Variants in MTAP observed in about 807,000 individuals in gnomAD.
MTAP encodes the protein S-methyl-5'-thioadenosine phosphorylase.
In MTAP, 33 loss-of-function variants were observed where a neutral mutation model predicts 33.6. That is an observed-to-expected ratio of 0.98 (90% CI 0.74 to 1.31). MTAP has a LOEUF of 1.31. Among genes scored for constraint, MTAP ranks in the 40% most tolerant of loss-of-function variants. The pLI is 0.00. For missense variants in MTAP, 367 were observed against 360.0 expected (o/e 1.02, Z -0.16); for synonymous variants, 148 against 125.7 (o/e 1.18, Z -1.19).
chr9:21,863,149 A>G lies in MTAP; in HGVS notation c.*1135A>G, dbSNP rs1457488085. ...TAATAGTTTAACTGAAAGTTTAACT[A>G]TTTAAAAGACTAAATGCACATTTTA... On this transcript the variant is annotated 3_prime_UTR_variant, in exon 8 of 8. Coordinates refer to ENST00000644715, the MANE Select transcript of MTAP (RefSeq NM_002451.4). 1.0e-6 allele frequency: 1 copy of G among 974,770 alleles called. No homozygotes were observed. Among genetic ancestry groups the G allele is most frequent in the Non-Finnish European group, 1.2e-6 (1 of 820,158 alleles). 60.4% of individuals were successfully genotyped at this position (974,770 alleles called of 1,614,324 possible).
chr9:21,856,719 A>G (rs2118531739), intron 6 of MTAP, among the ~76,000 whole-genome samples: 1 of 152,354 alleles, frequency 6.6e-6, no homozygotes, highest in East Asian at 1.9e-4. Context: ...GAAAGGCTTG[A>G]AGACAGTGTT....
At chr9:21,899,568 G>C (rs1818354911) in intron 1 of MTAP, among the ~76,000 whole-genome samples, 2 of 152,188 alleles carry the variant, frequency 1.3e-5, no homozygotes, top group Non-Finnish European at 2.9e-5. Context: ...CATGGTGGAA[G>C]GTGAACGGGA....
At chr9:21,817,088 A>T (rs569638160) in intron 3 of MTAP, among the ~76,000 whole-genome samples, 107 of 152,298 alleles carry the variant, frequency 7.0e-4, no homozygotes, top group African/African-American at 2.2e-3. Context: ...AAAGAAAAAC[A>T]ATGCATCATT....
chr9:21,856,074 C>A, intron 6 of MTAP: 1 of 755,736 alleles, frequency 1.3e-6, no homozygotes, highest in Non-Finnish European at 1.6e-6. Context: ...CTAATTTTCA[C>A]CTCTTTCTCT....
intron 1 of MTAP, among the ~76,000 whole-genome samples, chr9:21,900,849 A>T (rs1818380102): frequency 6.6e-6 from 1 of 152,236 alleles, no homozygotes; most frequent in African/African-American, 2.4e-5. Flanking sequence ...AGAAAGAACA[A>T]AATAATGTCT....
chr9:21,886,591 G>C (rs1306462057), intron 1 of MTAP, among the ~76,000 whole-genome samples: 1 of 151,684 alleles, frequency 6.6e-6, no homozygotes, highest in Non-Finnish European at 1.5e-5. Flanking sequence ...TCAGGTCTTT[G>C]GTCCATCTTG....
intron 1 of MTAP, chr9:21,812,215 G>A (rs886608257): frequency 2.5e-4 from 54 of 217,106 alleles, no homozygotes; most frequent in Admixed American, 1.3e-3. Flanking sequence ...TCAGCATTGA[G>A]TTGGCCAGGG....
exon 8 of MTAP, chr9:21,936,445 A>G (rs1819042909): frequency 1.3e-5 from 2 of 152,216 alleles, no homozygotes; most frequent in South Asian, 4.1e-4. Context: ...TTGTTAACTT[A>G]TGCCTGTAGA....
intron 1 of MTAP, among the ~76,000 whole-genome samples, chr9:21,895,904 A>G (rs562534174): frequency 6.6e-6 from 1 of 152,196 alleles, no homozygotes; most frequent in Admixed American, 6.5e-5. Context: ...CTCTGCACCA[A>G]GCGGACCTAA....
intron 1 of MTAP, among the ~76,000 whole-genome samples, chr9:21,808,432 A>C (rs867135538): frequency 1.1e-4 from 16 of 151,594 alleles, no homozygotes; most frequent in Non-Finnish European, 8.8e-5. Context: ...AAAAAAAAAA[A>C]ACAAAAAAAT....
intron 1 of MTAP, among the ~76,000 whole-genome samples, chr9:21,887,159 G>A (rs907396935): frequency 1.5e-4 from 23 of 151,986 alleles, no homozygotes; most frequent in South Asian, 1.5e-3. Flanking sequence ...TGTGCACAAC[G>A]TGCCCGTTTG....
chr9:21,930,006 C>T (rs1484101910), intron 1 of MTAP: 7 of 423,550 alleles, frequency 1.7e-5, no homozygotes, highest in Non-Finnish European at 3.3e-5. Context: ...CTTCAGGCAA[C>T]TTTGCTAATT....
chr9:21,832,470 T>C (rs188162507), intron 4 of MTAP, among the ~76,000 whole-genome samples: 14 of 152,254 alleles, frequency 9.2e-5, no homozygotes, highest in African/African-American at 3.4e-4. Context: ...TTCTTACTTC[T>C]TCTTACTCAT....
At chr9:21,839,140 C>T (rs1423797784) in intron 5 of MTAP, among the ~76,000 whole-genome samples, 1 of 150,450 alleles carries the variant, frequency 6.6e-6, no homozygotes, top group Admixed American at 6.6e-5. Context: ...CATTGATTTT[C>T]TCTGACTTCT....
intron 1 of MTAP, among the ~76,000 whole-genome samples, chr9:21,804,438 T>A (rs1824152458): frequency 6.6e-6 from 1 of 152,212 alleles, no homozygotes. Flanking sequence ...GAATGGGCAA[T>A]GGGATTCTCA....
At chr9:21,846,302 A>G (rs549745545) in intron 5 of MTAP, among the ~76,000 whole-genome samples, 2 of 152,352 alleles carry the variant, frequency 1.3e-5, no homozygotes, top group East Asian at 3.9e-4. Flanking sequence ...ACAACAAAAA[A>G]TAATAATCAG....
chr9:21,908,578 G>A (rs1003828946), intron 1 of MTAP, among the ~76,000 whole-genome samples: 3 of 152,046 alleles, frequency 2.0e-5, no homozygotes, highest in African/African-American at 7.2e-5. Flanking sequence ...AGTAGATCAT[G>A]TTTTTAAATC....
downstream of MTAP, among the ~76,000 whole-genome samples, chr9:21,869,416 A>G (rs895549314): frequency 6.6e-6 from 1 of 152,110 alleles, no homozygotes. Context: ...TTGGCTTCCA[A>G]GGACACCACA....
In MTAP at chr9:21,862,539, T is replaced by C. The variant is rs1170233322; in HGVS notation, c.*525T>C. The C allele has an allele frequency of 6.6e-6, 1 of 152,282 alleles. No individual in the cohort carries two copies. Among genetic ancestry groups the C allele is most frequent in the African/African-American group, 2.4e-5 (1 of 41,440 alleles). The allele number at this position is 152,282 out of a possible 1,614,324, so 9.4% of individuals were successfully genotyped here. On this transcript the variant is annotated 3_prime_UTR_variant, in exon 8 of 8. Transcript: ENST00000644715. ...TATCAGAGATGCATACAAAGAATTA[T>C]ATATAAAGAAGGGTGTTTAATAATG...
Sources: gnomAD v4.1 joint callset for allele counts (sites outside exome capture counted in the v4.1 genomes callset) on GRCh38, gnomAD v4.1.1 for gene constraint, MANE v1.5 for transcripts, NCBI Gene and HGNC (gene_info 2026-07-23, HGNC 2026-07-21) for gene names.